Variants in NRXN1 observed in about 807,000 individuals in gnomAD.
NRXN1 encodes the protein neurexin-1.
In NRXN1, 39 loss-of-function variants were observed where a neutral mutation model predicts 150.9. The ratio of observed to expected loss-of-function variants is 0.26; its 90% confidence interval spans 0.20 to 0.34. The LOEUF is 0.34. NRXN1 is among the 10% of genes least tolerant of loss of function. NRXN1 has a pLI of 1.00. For missense variants in NRXN1, 1,815 were observed against 1,949.9 expected, an observed-to-expected ratio of 0.93 and a Z score of 1.30; for synonymous variants, 924 against 757.0, an observed-to-expected ratio of 1.22 and a Z score of -3.62.
rs964590184 is a variant in NRXN1 at position 50,180,181 on chromosome 2, C to G, written c.3546+56608G>C. 4.1e-4 allele frequency among the ~76,000 whole-genome samples: 58 copies of G among 143,028 alleles called. 1 individual carries two copies. The highest frequency in any genetic ancestry group is 1.5e-3 in the African/African-American group (56 of 37,082). 93.8% of individuals were successfully genotyped at this position (143,028 alleles called of 152,430 possible). A position where few individuals can be genotyped will look rare whatever the true frequency, so the allele number is the denominator to read the frequency against. On this transcript the variant is annotated intron_variant, in intron 18 of 22. Transcript: ENST00000401669. ...AGAATACAGGGCGGTGCCCCCACAT[C>G]TGGCTAATTTAAAAAAAAAAATTTG...
chr2:50,983,017 T>A (rs1697088395), intron 2 of NRXN1, among the ~76,000 whole-genome samples: 1 of 151,856 alleles, frequency 6.6e-6, no homozygotes, highest in Admixed American at 6.6e-5. Context: ...TCAAGGAGTT[T>A]TATATATATA....
intron 18 of NRXN1, among the ~76,000 whole-genome samples, chr2:50,180,081 G>A (rs1345753095): frequency 1.3e-5 from 2 of 152,032 alleles, no homozygotes; most frequent in Non-Finnish European, 2.9e-5. Flanking sequence ...GAGTGCAGTG[G>A]TTCAATCAGA....
At chr2:50,271,413 C>T (rs1314310214) in intron 17 of NRXN1, among the ~76,000 whole-genome samples, 2 of 152,156 alleles carry the variant, frequency 1.3e-5, no homozygotes, top group African/African-American at 4.8e-5. Context: ...CAAATGATCA[C>T]TCAAAATGGT....
At chr2:50,056,679 G>GA (rs199751221) in intron 19 of NRXN1, among the ~76,000 whole-genome samples, 1 of 151,764 alleles carries the variant, frequency 6.6e-6, no homozygotes, top group African/African-American at 2.4e-5. Context: ...TGCATATTTG[G>GA]AATTTTTTTT....
intron 21 of NRXN1, among the ~76,000 whole-genome samples, chr2:50,024,683 C>A (rs924217339): frequency 6.6e-6 from 1 of 151,940 alleles, no homozygotes; most frequent in Admixed American, 6.6e-5. Flanking sequence ...GGTCCGATCT[C>A]GGCTCGCTGC....
At chr2:50,960,418 G>A (rs148031563) in intron 2 of NRXN1, among the ~76,000 whole-genome samples, 13 of 147,808 alleles carry the variant, frequency 8.8e-5, no homozygotes, top group Middle Eastern at 6.9e-3. Context: ...AATGTACTCC[G>A]CATTTTAAAT....
chr2:49,964,541 T>G (rs1010829074), intron 21 of NRXN1, among the ~76,000 whole-genome samples: 2 of 151,372 alleles, frequency 1.3e-5, no homozygotes, highest in African/African-American at 4.9e-5. Context: ...GATCACGCCA[T>G]TGCACTTCAG....
intron 9 of NRXN1, 72 bp from the exon 10 acceptor site, chr2:50,538,708 C>T (rs2093324216): frequency 1.6e-6 from 2 of 1,276,000 alleles, no homozygotes; most frequent in Admixed American, 2.9e-5. Context: ...TTCTCTCTTT[C>T]GTCTGCTTGA....
intron 2 of NRXN1, among the ~76,000 whole-genome samples, chr2:50,950,629 T>A (rs2104579837): frequency 6.6e-6 from 1 of 152,314 alleles, no homozygotes; most frequent in African/African-American, 2.4e-5. Context: ...TGGCACTAAA[T>A]GCTACTAGTG....
chr2:50,676,375 C>A (rs1489052254), intron 5 of NRXN1, among the ~76,000 whole-genome samples: 1 of 152,198 alleles, frequency 6.6e-6, no homozygotes, highest in East Asian at 1.9e-4. Flanking sequence ...TAACACAAGT[C>A]CCGAAGAAGA....
intron 8 of NRXN1, among the ~76,000 whole-genome samples, chr2:50,602,349 C>T (rs1464896080): frequency 6.6e-6 from 1 of 151,836 alleles, no homozygotes; most frequent in Non-Finnish European, 1.5e-5. Context: ...ATTTTGGCCT[C>T]CCTAAAAATT....
chr2:50,413,478 G>C (rs1387059991), intron 17 of NRXN1, among the ~76,000 whole-genome samples: 1 of 152,154 alleles, frequency 6.6e-6, no homozygotes, highest in Non-Finnish European at 1.5e-5. Context: ...AAACTACAAT[G>C]AGATATCATC....
intron 15 of NRXN1, among the ~76,000 whole-genome samples, chr2:50,486,731 A>T (rs1028268475): frequency 1.3e-5 from 2 of 152,152 alleles, no homozygotes; most frequent in African/African-American, 4.8e-5. Context: ...GATAACTAAC[A>T]TCATACTAGT....
At chr2:50,096,772 T>C (rs113805550) in intron 18 of NRXN1, among the ~76,000 whole-genome samples, 8 of 152,330 alleles carry the variant, frequency 5.3e-5, no homozygotes, top group African/African-American at 1.9e-4. Context: ...GATTATATTA[T>C]TAAACCAAGT....
chr2:50,149,599 T>G (rs1467139459), intron 18 of NRXN1, among the ~76,000 whole-genome samples: 2 of 151,744 alleles, frequency 1.3e-5, no homozygotes, highest in South Asian at 4.1e-4. Context: ...ATATACCTCT[T>G]TGATAAAACT....
chr2:50,817,182 A>C (rs1245576284), intron 5 of NRXN1, among the ~76,000 whole-genome samples: 1 of 152,240 alleles, frequency 6.6e-6, no homozygotes, highest in Non-Finnish European at 1.5e-5. Context: ...ATATTTTCCC[A>C]GTTAGAATCT....
chr2:50,223,298 C>A (rs2064054290), intron 18 of NRXN1, among the ~76,000 whole-genome samples: 1 of 151,904 alleles, frequency 6.6e-6, no homozygotes, highest in Non-Finnish European at 1.5e-5. Flanking sequence ...CCTCACATAA[C>A]AATTAACAAT....
At chr2:50,495,316 T>C (rs1380695400) in intron 15 of NRXN1, among the ~76,000 whole-genome samples, 1 of 151,290 alleles carries the variant, frequency 6.6e-6, no homozygotes, top group Non-Finnish European at 1.5e-5. Flanking sequence ...ATGTTAAGAC[T>C]TTCTTAGCAG....
At chr2:50,187,274 G>C (rs889379502) in intron 18 of NRXN1, among the ~76,000 whole-genome samples, 4 of 151,980 alleles carry the variant, frequency 2.6e-5, no homozygotes, top group Non-Finnish European at 5.9e-5. Flanking sequence ...ACTCAAGTTG[G>C]ATAAAAGGAA....
Sources: gnomAD v4.1 joint callset for allele counts (sites outside exome capture counted in the v4.1 genomes callset) on GRCh38, gnomAD v4.1.1 for gene constraint, MANE v1.5 for transcripts, NCBI Gene and HGNC (gene_info 2026-07-23, HGNC 2026-07-21) for gene names.